The following TAF4B variants were observed in gnomAD, a reference collection of about 807,000 sequenced individuals.
The protein encoded by TAF4B is TATA-box binding protein associated factor 4b, also known as transcription initiation factor TFIID subunit 4B.
In TAF4B, 38 loss-of-function variants were observed where a neutral mutation model predicts 86.4. The ratio of observed to expected loss-of-function variants is 0.44; its 90% CI spans 0.34 to 0.58. The LOEUF (loss-of-function observed/expected upper bound fraction) is 0.58. Among genes scored for constraint, TAF4B ranks in the 20% least tolerant of loss-of-function variants. The pLI, the probability that TAF4B is intolerant of heterozygous loss-of-function variation, is 0.02. For synonymous variants in TAF4B, 388 were observed against 391.2 expected, an observed-to-expected ratio of 0.99 and a Z score of 0.10; for missense variants, 988 against 1,027.6, an observed-to-expected ratio of 0.96 and a Z score of 0.53.
chr18:26,310,619 TTAAAA>T lies in TAF4B; in HGVS notation c.1833-4604_1833-4600del, dbSNP rs796553675. On this transcript the variant is annotated intron_variant, in intron 9 of 14. Transcript: ENST00000269142. ...AGTAATCTAAGGAAATAACTAGATC[TTAAAA>T]TAAAAGTTTTTGTTTATATTTTAAA... is the stretch of plus-strand genomic sequence containing the variant. Among the ~76,000 whole-genome samples, 8 of 152,348 alleles carry T rather than the reference TTAAAA, an allele frequency of 5.3e-5. 1 individual carries two copies. In the South Asian group the frequency reaches 1.7e-3, roughly 32 times the overall value.
At chr18:26,275,317 G>C (rs765803841) in intron 5 of TAF4B, among the ~76,000 whole-genome samples, 3 of 152,104 alleles carry the variant, frequency 2.0e-5, no homozygotes, top group Non-Finnish European at 2.9e-5. Flanking sequence ...CACCACGCTC[G>C]GCTAATTTTT....
chr18:26,302,190 G>C lies in TAF4B; in HGVS notation c.1832+8659G>C, dbSNP rs2056741130. On this transcript the variant is annotated intron_variant, in intron 9 of 14. Transcript: ENST00000269142. ...GTTACACATATCTACTAGAGTTAGT[G>C]TTTTGCAATTTACTTTCTTTTATGG... 2.0e-5 allele frequency among the ~76,000 whole-genome samples: 3 copies of C among 152,036 alleles called. No individual in the cohort carries two copies. In the South Asian group the frequency reaches 6.2e-4, roughly 32 times the overall value.
At chr18:26,306,234 T>G (rs1257120312) in intron 9 of TAF4B, among the ~76,000 whole-genome samples, 8 of 152,206 alleles carry the variant, frequency 5.3e-5, no homozygotes. Context: ...TTATGTGAGA[T>G]TTTGATAAAA....
At chr18:26,236,964 C>T (rs929492554) in intron 1 of TAF4B, among the ~76,000 whole-genome samples, 12 of 152,104 alleles carry the variant, frequency 7.9e-5, no homozygotes, top group Admixed American at 2.0e-4. Context: ...CTCCCGTAGC[C>T]GCTGGAGCAA....
chr18:26,359,897 T>C (rs2144736741), intron 14 of TAF4B, among the ~76,000 whole-genome samples: 1 of 151,610 alleles, frequency 6.6e-6, no homozygotes, highest in African/African-American at 2.4e-5. Context: ...TTTTTTTTTT[T>C]GGTAGAGACG....
intron 1 of TAF4B, among the ~76,000 whole-genome samples, chr18:26,254,697 T>C (rs2056056657): frequency 6.6e-6 from 1 of 152,236 alleles, no homozygotes; most frequent in African/African-American, 2.4e-5. Context: ...TTGGTACTAT[T>C]TATACAGGGT....
Position 26,285,882 on chromosome 18 carries a change from A to T in TAF4B, c.973A>T (p.Lys325Ter). Reference protein sequence around the residue: ...PQPHLVPFLKKSVVALRQLLP... With the variant: ...PQPHLVPFLK ...TTTTTCCATTCCTCTGCATTTCCAGAAAAGCGTGGTTGCCTTACGACAACT... is the reference window on the plus strand; with the variant it reads ...TTTTTCCATTCCTCTGCATTTCCAGTAAAGCGTGGTTGCCTTACGACAACT... Residue 325 changes from lysine (K) to a stop codon, truncating the protein, a stop_gained and splice_region_variant, in exon 7 of 15, where the codon AAA becomes TAA. Transcript: ENST00000269142. LOFTEE classifies it high-confidence loss of function. The T allele has an allele frequency of 6.3e-7, 1 of 1,598,912 alleles. No individual in the cohort carries two copies. Among genetic ancestry groups the T allele is most frequent in the East Asian group, 2.2e-5 (1 of 44,642 alleles).
chr18:26,277,918 G>C (rs1259062176), intron 5 of TAF4B, among the ~76,000 whole-genome samples: 7 of 152,176 alleles, frequency 4.6e-5, no homozygotes. Context: ...GCTCAGAATA[G>C]TTGTTACACA....
In TAF4B at chr18:26,293,243, A is replaced by G. The variant is rs530895356; in HGVS notation, c.1727-183A>G. On this transcript the variant is annotated intron_variant, in intron 8 of 14. Coordinates refer to ENST00000269142, the MANE Select transcript of TAF4B (RefSeq NM_005640.3). The stretch of plus-strand genomic sequence containing the variant: ...AAAGAAATGGAAAGATTCTTATTTT[A>G]TAAGATTATTTCTTATTCAGGGAAT... Among the ~76,000 whole-genome samples, 81 of 152,206 alleles carry G rather than the reference A, an allele frequency of 5.3e-4. 1 individual carries two copies. Among genetic ancestry groups the G allele is most frequent in the Non-Finnish European group, 3.5e-4 (24 of 68,026 alleles).
At chr18:26,242,967 G>A (rs1205126486) in intron 1 of TAF4B, among the ~76,000 whole-genome samples, 3 of 152,158 alleles carry the variant, frequency 2.0e-5, no homozygotes, top group African/African-American at 7.2e-5. Context: ...TTAGTCTGAT[G>A]GGCTTCCCCT....
At chr18:26,236,686 C>T (rs1380839466) in intron 1 of TAF4B, among the ~76,000 whole-genome samples, 9 of 152,142 alleles carry the variant, frequency 5.9e-5, no homozygotes, top group Non-Finnish European at 1.3e-4. Flanking sequence ...CTCTCTGAAC[C>T]ATCAAGGTTT....
At chr18:26,305,112 A>G (rs2056780856) in intron 9 of TAF4B, among the ~76,000 whole-genome samples, 2 of 152,154 alleles carry the variant, frequency 1.3e-5, no homozygotes, top group South Asian at 4.2e-4. Flanking sequence ...TTTGAATTCT[A>G]ATGTATCCTT....
chr18:26,317,766 T>A (rs1439932509), intron 10 of TAF4B, among the ~76,000 whole-genome samples: 2 of 152,202 alleles, frequency 1.3e-5, no homozygotes, highest in Non-Finnish European at 2.9e-5. Context: ...GATAACTAGC[T>A]AGCTCTCTGG....
At chr18:26,356,791 G>GT (rs11324227) in intron 13 of TAF4B, among the ~76,000 whole-genome samples, 31 of 137,944 alleles carry the variant, frequency 2.2e-4, no homozygotes, top group African/African-American at 5.5e-4. Flanking sequence ...CTCACTTGGT[G>GT]TTTTTTTTTT....
chr18:26,285,977 C>G lies in TAF4B; in HGVS notation c.1068C>G (p.Thr356=), dbSNP rs1481817334. 6.2e-7 allele frequency: 1 copy of G among 1,614,204 alleles called. No homozygotes were observed. The highest frequency in any genetic ancestry group is 8.5e-7 in the Non-Finnish European group (1 of 1,180,030). ...QQTSSDMVIA[T]CTTTVTTSPV... is the part of the protein sequence containing the mutation. ...CTTCTAGTGACATGGTCATTGCTAC[C>G]TGTACTACAACAGTAACAACTTCTC... The change falls in exon 7 of 15, where the codon ACC becomes ACG. Residue 356 remains threonine (T), a synonymous_variant. Transcript: ENST00000269142.
chr18:26,349,358 TA>T (rs950477944), intron 13 of TAF4B, among the ~76,000 whole-genome samples: 5 of 150,846 alleles, frequency 3.3e-5, no homozygotes, highest in Admixed American at 6.6e-5. Context: ...GCTCTTTATT[TA>T]AAAAAAAAGA....
rs113789192 is a variant in TAF4B at position 26,226,807 on chromosome 18, C to T, written c.-127C>T. 0.091 allele frequency: 64,645 copies of T among 711,724 alleles called. 3,309 individuals are homozygous for T. The highest frequency in any genetic ancestry group is 0.1 in the Non-Finnish European group (50,742 of 494,842). 44.1% of individuals were successfully genotyped at this position (711,724 alleles called of 1,614,324 possible). A position where few individuals can be genotyped will look rare whatever the true frequency, so the allele number is the denominator to read the frequency against. ...CCGTCACTGACTTCGCTGCTGCGGC[C>T]CCCGCGCCTCTCCCCAGCGATGCTG... On this transcript the variant is annotated 5_prime_UTR_variant, in exon 1 of 15. Transcript: ENST00000269142.
At chr18:26,309,190 T>G (rs2056827702) in intron 9 of TAF4B, among the ~76,000 whole-genome samples, 1 of 149,646 alleles carries the variant, frequency 6.7e-6, no homozygotes, top group South Asian at 2.1e-4. Context: ...TTGACAGACA[T>G]TTTCATGAAA....
chr18:26,253,796 T>C (rs920540081), intron 1 of TAF4B, among the ~76,000 whole-genome samples: 1 of 152,118 alleles, frequency 6.6e-6, no homozygotes, highest in Admixed American at 6.6e-5. Flanking sequence ...ATTTCAGTAG[T>C]TTATGTGTTT....
Sources: gnomAD v4.1 joint callset for allele counts (sites outside exome capture counted in the v4.1 genomes callset) on GRCh38, gnomAD v4.1.1 for gene constraint, MANE v1.5 for transcripts, NCBI Gene and HGNC (gene_info 2026-07-23, HGNC 2026-07-21) for gene names.